The following SPIRE2 variants were observed in gnomAD, a reference collection of about 807,000 sequenced individuals.
The protein encoded by SPIRE2 is protein spire homolog 2.
Under a neutral mutation model 80.7 loss-of-function variants are expected in SPIRE2, and 76 were observed. The observed-to-expected ratio is 0.94, with a 90% CI of 0.78 to 1.14. The LOEUF (loss-of-function observed/expected upper bound fraction) is 1.14, where lower values mean the gene tolerates loss of function less well. Ranked by LOEUF, SPIRE2 falls within the 50% of genes most tolerant of loss-of-function variation. The pLI, the probability that SPIRE2 is intolerant of heterozygous loss-of-function variation, is 0.00. For missense variants in SPIRE2, 1,196 were observed against 1,015.3 expected, an observed-to-expected ratio of 1.18 and a Z score of -2.42; for synonymous variants, 535 against 432.6, an observed-to-expected ratio of 1.24 and a Z score of -2.94.
At chr16:89,858,254 C>T (rs975763627) in intron 7 of SPIRE2, 84 bp from the exon 8 acceptor site, 17 of 1,363,468 alleles carry the variant, frequency 1.2e-5, no homozygotes, top group Admixed American at 5.1e-5. Flanking sequence ...GGAATTAAGC[C>T]AGCTGGTGCA....
intron 8 of SPIRE2, 50 bp downstream of exon 8, chr16:89,858,557 G>T: frequency 6.7e-7 from 1 of 1,486,388 alleles, no homozygotes; most frequent in South Asian, 1.4e-5. Context: ...GGGAGGATGG[G>T]GGCCAAGGAA....
At chr16:89,829,054 C>T (rs2041354428) in intron 1 of SPIRE2, among the ~76,000 whole-genome samples, 1 of 152,222 alleles carries the variant, frequency 6.6e-6, no homozygotes, top group African/African-American at 2.4e-5. Context: ...GACGCCTCTC[C>T]CAGCGCGGAG....
In SPIRE2 at chr16:89,854,735, G is replaced by A. The variant is rs151083434; in HGVS notation, c.891+84G>A. Reference sequence around the variant, plus strand: ...GACGCAGATGAGCAGCCTGGATGTTGGGCAGCCCACCCCAGAGAGCGGCCC... The same window carrying A: ...GACGCAGATGAGCAGCCTGGATGTTAGGCAGCCCACCCCAGAGAGCGGCCC... On this transcript the variant is annotated intron_variant, in intron 5 of 14. Transcript: ENST00000378247. 3.6e-3 allele frequency: 5,454 copies of A among 1,497,978 alleles called. 144 individuals carry two copies. The highest frequency in any genetic ancestry group is 9.2e-3 in the East Asian group (401 of 43,476). 92.8% of individuals were successfully genotyped at this position (1,497,978 alleles called of 1,614,324 possible).
chr16:89,864,658 C>G (rs541710284), intron 12 of SPIRE2, among the ~76,000 whole-genome samples: 23 of 152,366 alleles, frequency 1.5e-4, no homozygotes, highest in African/African-American at 5.3e-4. Context: ...AGGGCACTAA[C>G]TGGAATGCAC....
At chr16:89,865,526 AAGGT>A (rs879929515) in intron 12 of SPIRE2, among the ~76,000 whole-genome samples, 1 of 152,206 alleles carries the variant, frequency 6.6e-6, no homozygotes, top group Non-Finnish European at 1.5e-5. Context: ...AATCCAAAAA[AAGGT>A]AGGAAAAGAA....
At chr16:89,830,908 C>CTT (rs146029809) in intron 1 of SPIRE2, among the ~76,000 whole-genome samples, 7,913 of 117,194 alleles carry the variant, frequency 0.068, 599 homozygotes, top group East Asian at 0.27. Context: ...TGCTTAGAAT[C>CTT]TTTTTTTTTT....
In SPIRE2 at chr16:89,828,598, G is replaced by C; in HGVS notation, c.48G>C (p.Arg16=). 8.2e-7 allele frequency: 1 copy of C among 1,222,634 alleles called. No individual in the cohort carries two copies. Among genetic ancestry groups the C allele is most frequent in the East Asian group, 4.0e-5 (1 of 24,860 alleles). The allele number at this position is 1,222,634 out of a possible 1,614,324, so 75.7% of individuals were successfully genotyped here. Residue 16 remains arginine (R), a synonymous_variant, in exon 1 of 15, where the codon CGG becomes CGC. Transcript: ENST00000378247. This position sits in a 1 kb window ranked among gnomAD's most constrained non-coding sequence, Gnocchi z 5.9. ...GCGGCGCCGCGGCGGGCGCAGGGCGGCCGGAGCCCTGGGAGCTGTCCCTGG... is the reference window on the plus strand; with the variant it reads ...GCGGCGCCGCGGCGGGCGCAGGGCGCCCGGAGCCCTGGGAGCTGTCCCTGG... ...SCGGAAAGAG[R]PEPWELSLEE...
intron 12 of SPIRE2, 144 bp downstream of exon 12, chr16:89,864,005 C>T (rs936544058): frequency 1.5e-5 from 9 of 599,030 alleles, no homozygotes; most frequent in South Asian, 4.4e-5. Flanking sequence ...ATGGTTAGTA[C>T]GAATGAGGAG....
At chr16:89,834,551 T>G (rs796877171) in intron 1 of SPIRE2, among the ~76,000 whole-genome samples, 3 of 44,462 alleles carry the variant, frequency 6.7e-5, no homozygotes, top group South Asian at 1.1e-3. Flanking sequence ...CCTGCCCGCA[T>G]TCGCGGTTGG....
In SPIRE2 at chr16:89,863,818, T is replaced by C. The variant is rs762319692; in HGVS notation, c.1735T>C (p.Phe579Leu). The change falls in exon 12 of 15, where the codon TTC becomes CTC. Residue 579 changes from phenylalanine (F) to leucine (L), a missense_variant. Physicochemically the swap from Phe to Leu is conservative, Grantham distance 22. Coordinates refer to ENST00000378247, the MANE Select transcript of SPIRE2 (RefSeq NM_032451.2). This position sits in a 1 kb window ranked among gnomAD's most constrained non-coding sequence, Gnocchi z 4.3. ...GKICCCCRAK[F>L]PLFSWPPSCL... ...GATTTGCTGCTGCTGCCGGGCCAAG[T>C]TCCCGCTGTTCTCGTGGCCGCCCAG... The C allele has an allele frequency of 6.2e-6, 10 of 1,613,962 alleles. No homozygotes were observed. The highest frequency in any genetic ancestry group is 8.5e-6 in the Non-Finnish European group (10 of 1,179,994).
chr16:89,864,690 C>T (rs998974812), intron 12 of SPIRE2, among the ~76,000 whole-genome samples: 2 of 152,196 alleles, frequency 1.3e-5, no homozygotes, highest in Non-Finnish European at 2.9e-5. Flanking sequence ...GCCTCACTAA[C>T]GTGGAGTAAG....
chr16:89,866,096 C>A (rs1041416501), intron 12 of SPIRE2, among the ~76,000 whole-genome samples: 9 of 151,470 alleles, frequency 5.9e-5, no homozygotes, highest in Non-Finnish European at 1.3e-4. Context: ...CTGCAGTGAG[C>A]TATGACGGTG....
intron 1 of SPIRE2, among the ~76,000 whole-genome samples, chr16:89,843,856 T>A (rs61185184): frequency 7.0e-6 from 1 of 142,626 alleles, no homozygotes; most frequent in African/African-American, 2.6e-5. Flanking sequence ...TGCACTACCA[T>A]GCCCAGCTAT....
At chr16:89,853,997 C>A (rs1002003221) in intron 3 of SPIRE2, among the ~76,000 whole-genome samples, 10 of 152,260 alleles carry the variant, frequency 6.6e-5, no homozygotes, top group Admixed American at 6.5e-4. Flanking sequence ...CTGGCTGGGA[C>A]CTAGAGCAGC....
chr16:89,852,774 G>A (rs1408995649), intron 3 of SPIRE2, among the ~76,000 whole-genome samples: 13 of 12,630 alleles, frequency 1.0e-3, no homozygotes, highest in African/African-American at 2.6e-3. Flanking sequence ...CTCACCCCCC[G>A]GATCCCATGG....
intron 1 of SPIRE2, among the ~76,000 whole-genome samples, chr16:89,843,420 G>T (rs1025497059): frequency 3.9e-5 from 6 of 151,930 alleles, no homozygotes; most frequent in Admixed American, 2.0e-4. Flanking sequence ...ATTTCCACTC[G>T]GACTGTGGTT....
Position 89,828,944 on chromosome 16 carries a change from ACT to A in SPIRE2, c.244+154_244+155del. ...CGGGACCCGGAGCTCCCTCCCTCCC[ACT>A]CTCCGTCCCTCTTTCCCTCTCTCTT... On this transcript the variant is annotated intron_variant, in intron 1 of 14. Transcript: ENST00000378247. This position sits in a 1 kb window ranked among gnomAD's most constrained non-coding sequence, Gnocchi z 5.9. The A allele has an allele frequency of 6.1e-6, 3 of 492,682 alleles. No homozygotes were observed. In the Admixed American group the frequency reaches 1.5e-4, roughly 25 times the overall value. The allele number at this position is 492,682 out of a possible 1,614,324, so 30.5% of individuals were successfully genotyped here.
chr16:89,852,771 C>T (rs1379548499), intron 3 of SPIRE2, among the ~76,000 whole-genome samples: 4 of 62,932 alleles, frequency 6.4e-5, no homozygotes, highest in Admixed American at 1.4e-4. Context: ...CCTCTCACCC[C>T]CCGGATCCCA....
chr16:89,842,758 C>G (rs371550728), intron 1 of SPIRE2, among the ~76,000 whole-genome samples: 7 of 152,192 alleles, frequency 4.6e-5, no homozygotes, highest in African/African-American at 1.7e-4. Context: ...CCCATGGCCT[C>G]GGCCCAATCA....
Sources: gnomAD v4.1 joint callset for allele counts (sites outside exome capture counted in the v4.1 genomes callset) on GRCh38, gnomAD v4.1.1 for gene constraint, Gnocchi (gnomAD v3.1) non-coding constraint, MANE v1.5 for transcripts, NCBI Gene and HGNC (gene_info 2026-07-23, HGNC 2026-07-21) for gene names.